Variants in ZFPM2 observed in about 807,000 individuals in gnomAD.
The protein encoded by ZFPM2 is zinc finger protein ZFPM2.
A neutral mutation model predicts 98.6 loss-of-function variants in ZFPM2; 20 were observed. The ratio of observed to expected loss-of-function variants is 0.20; its 90% confidence interval spans 0.14 to 0.29. The LOEUF (loss-of-function observed/expected upper bound fraction) is 0.29. Ranked by LOEUF, ZFPM2 falls within the 10% of genes least tolerant of loss-of-function variation. The pLI is 1.00. For synonymous variants in ZFPM2, 518 were observed against 502.7 expected (o/e 1.03, Z -0.41); for missense variants, 1,310 against 1,388.6 (o/e 0.94, Z 0.90).
At chr8:105,607,963 C>A (rs4791860) in intron 4 of ZFPM2, among the ~76,000 whole-genome samples, 7 of 151,690 alleles carry the variant, frequency 4.6e-5, no homozygotes, top group Admixed American at 1.3e-4. Context: ...AGTGACAGAT[C>A]GGATAAAGAA....
chr8:105,676,417 A>G (rs1187653251), intron 5 of ZFPM2, among the ~76,000 whole-genome samples: 4 of 152,166 alleles, frequency 2.6e-5, no homozygotes, highest in Admixed American at 6.6e-5. Flanking sequence ...ACATTTGTCA[A>G]TGAAACTTTT....
chr8:105,732,029 C>T (rs1811952122), intron 5 of ZFPM2, among the ~76,000 whole-genome samples: 1 of 151,744 alleles, frequency 6.6e-6, no homozygotes, highest in Non-Finnish European at 1.5e-5. Flanking sequence ...TTTTGGTAGG[C>T]TGTGGCAAAA....
At chr8:105,733,762 CT>C (rs930885494) in intron 5 of ZFPM2, among the ~76,000 whole-genome samples, 3 of 151,830 alleles carry the variant, frequency 2.0e-5, no homozygotes, top group African/African-American at 7.2e-5. Context: ...AACACTGCCC[CT>C]ATCTTACTGA....
At chr8:105,601,066 A>C (rs1816081223) in intron 4 of ZFPM2, among the ~76,000 whole-genome samples, 1 of 152,120 alleles carries the variant, frequency 6.6e-6, no homozygotes, top group Non-Finnish European at 1.5e-5. Context: ...TCCATGGCTG[A>C]GCCATCCTGC....
At chr8:105,753,221 C>T (rs1812516893) in intron 5 of ZFPM2, among the ~76,000 whole-genome samples, 1 of 152,042 alleles carries the variant, frequency 6.6e-6, no homozygotes, top group Admixed American at 6.6e-5. Flanking sequence ...AATTTATATC[C>T]TAGGTTCCAG....
chr8:105,473,788 A>G (rs1216168101), intron 3 of ZFPM2, among the ~76,000 whole-genome samples: 2 of 152,258 alleles, frequency 1.3e-5, no homozygotes, highest in Non-Finnish European at 2.9e-5. Flanking sequence ...ATCTATGCAT[A>G]CATATGCAAA....
chr8:105,777,351 A>AT (rs1340062290), intron 5 of ZFPM2, among the ~76,000 whole-genome samples: 2 of 152,244 alleles, frequency 1.3e-5, no homozygotes, highest in Non-Finnish European at 2.9e-5. Context: ...TTAATGAAGG[A>AT]TAAATAGTGT....
intron 4 of ZFPM2, among the ~76,000 whole-genome samples, chr8:105,579,663 G>A (rs575216144): frequency 6.6e-6 from 1 of 152,268 alleles, no homozygotes; most frequent in Admixed American, 6.5e-5. Flanking sequence ...GAAAAATACT[G>A]ATGAGTCTGT....
chr8:105,561,519 C>T (rs369282194), intron 4 of ZFPM2, 38 bp downstream of exon 4: 12 of 1,469,804 alleles, frequency 8.2e-6, no homozygotes, highest in Middle Eastern at 3.6e-4. Flanking sequence ...ATTTTGTCAT[C>T]GACTGTTAGT....
chr8:105,494,535 G>C (rs967580361), intron 3 of ZFPM2, among the ~76,000 whole-genome samples: 3 of 151,802 alleles, frequency 2.0e-5, no homozygotes, highest in Non-Finnish European at 2.9e-5. Flanking sequence ...TATGCTCTCT[G>C]CCTAGAGTGT....
chr8:105,556,174 G>A (rs896261941), intron 3 of ZFPM2, among the ~76,000 whole-genome samples: 1 of 152,048 alleles, frequency 6.6e-6, no homozygotes, highest in Non-Finnish European at 1.5e-5. Flanking sequence ...TGAGGCTGGT[G>A]GGTTGTCTAC....
At chr8:105,721,759 CTT>C (rs1423837469) in intron 5 of ZFPM2, among the ~76,000 whole-genome samples, 2 of 151,890 alleles carry the variant, frequency 1.3e-5, no homozygotes, top group Non-Finnish European at 2.9e-5. Context: ...GATAGTAACT[CTT>C]AAGTAATTTT....
chr8:105,586,821 A>G (rs1281251658), intron 4 of ZFPM2, among the ~76,000 whole-genome samples: 2 of 137,430 alleles, frequency 1.5e-5, no homozygotes, highest in Admixed American at 7.3e-5. Context: ...CTATATATGT[A>G]TGTGTGCATA....
intron 5 of ZFPM2, among the ~76,000 whole-genome samples, chr8:105,660,871 A>G (rs1450413610): frequency 1.4e-4 from 21 of 152,332 alleles, no homozygotes; most frequent in African/African-American, 4.8e-4. Context: ...ATATCATAGA[A>G]AGCATCATAT....
chr8:105,542,368 T>C (rs1350969665), intron 3 of ZFPM2, among the ~76,000 whole-genome samples: 12 of 152,198 alleles, frequency 7.9e-5, no homozygotes, highest in Non-Finnish European at 1.5e-4. Context: ...TAGCGAGATG[T>C]GTTAAATCGT....
At chr8:105,652,951 T>G (rs1376583834) in intron 5 of ZFPM2, among the ~76,000 whole-genome samples, 1 of 152,146 alleles carries the variant, frequency 6.6e-6, no homozygotes, top group Non-Finnish European at 1.5e-5. Flanking sequence ...AGTGTAGATT[T>G]CTAGATTAAA....
intron 3 of ZFPM2, among the ~76,000 whole-genome samples, chr8:105,538,999 A>G (rs1345328095): frequency 2.0e-5 from 3 of 152,178 alleles, no homozygotes; most frequent in South Asian, 2.1e-4. Context: ...AGCCTAGGCA[A>G]TAGAGCAAGA....
intron 5 of ZFPM2, among the ~76,000 whole-genome samples, chr8:105,787,905 T>C (rs2131133406): frequency 6.6e-6 from 1 of 152,360 alleles, no homozygotes; most frequent in East Asian, 1.9e-4. Flanking sequence ...ACATTAGATG[T>C]ACTTGCATAG....
intron 3 of ZFPM2, among the ~76,000 whole-genome samples, chr8:105,493,401 C>A (rs992201672): frequency 4.6e-5 from 7 of 152,296 alleles, no homozygotes; most frequent in Non-Finnish European, 7.4e-5. Flanking sequence ...CCAGACTAAA[C>A]CCTTGAAGAA....
Sources: allele counts gnomAD v4.1 joint callset (sites outside exome capture counted in the v4.1 genomes callset), GRCh38; gene constraint gnomAD v4.1.1; transcripts MANE v1.5; gene names NCBI Gene and HGNC (gene_info 2026-07-23, HGNC 2026-07-21).